Variants in RAVER1 observed in about 807,000 individuals in gnomAD.
The protein encoded by RAVER1 is ribonucleoprotein, PTB binding 1, also known as ribonucleoprotein PTB-binding 1.
In RAVER1, 36 loss-of-function variants were observed where a neutral mutation model predicts 68.4. The ratio of observed to expected loss-of-function variants is 0.53; its 90% CI spans 0.40 to 0.70. The LOEUF (loss-of-function observed/expected upper bound fraction) is 0.70, where lower values mean the gene tolerates loss of function less well. Among genes scored for constraint, RAVER1 ranks in the 30% least tolerant of loss-of-function variants. The pLI is 0.00. For missense variants in RAVER1, 933 were observed against 1,019.8 expected (o/e 0.91, Z 1.16); for synonymous variants, 469 against 472.7 (o/e 0.99, Z 0.10).
At chr19:10,331,390 C>CA (rs1568314187) in intron 1 of RAVER1, among the ~76,000 whole-genome samples, 484 of 31,650 alleles carry the variant, frequency 0.015, 15 homozygotes, top group Middle Eastern at 0.033. Context: ...AAAATAACAA[C>CA]AACAAAAAAA....
In RAVER1 at chr19:10,322,248, A is replaced by ACG. The variant is rs2145071460; in HGVS notation, c.1173+396_1173+397insCG. ...TAGGTGTGCGTGTGTGTGTGTGCAC[A>ACG]CACTGAGGGGATAGACCTGGAGTTT... is the stretch of plus-strand genomic sequence containing the variant. On this transcript the variant is annotated intron_variant, in intron 6 of 12. Coordinates refer to ENST00000617231, the MANE Select transcript of RAVER1 (RefSeq NM_133452.3). The surrounding 1 kb of genome is among the most constrained non-coding windows in gnomAD (Gnocchi z 4.3). 2 of 225,384 alleles carry ACG rather than the reference A, an allele frequency of 8.9e-6. No individual in the cohort carries two copies. The highest frequency in any genetic ancestry group is 6.1e-5 in the Admixed American group (1 of 16,294). 14.0% of individuals were successfully genotyped at this position (225,384 alleles called of 1,614,324 possible). A position where few individuals can be genotyped will look rare whatever the true frequency, so the allele number is the denominator to read the frequency against.
In RAVER1 at chr19:10,320,712, G is replaced by A. The variant is rs749871806; in HGVS notation, c.1713C>T (p.Ser571=). ...LKSRLLSPLS[S]ARLPPEPGLS... ...GTCCTGGTTCGGGGGGCAGGCGGGC[G>A]CTGCTGAGGGGGCTGAGCAGGCGGG... Residue 571 remains serine, a synonymous_variant, in exon 9 of 13, where the codon AGC becomes AGT. Transcript: ENST00000617231. 9.7e-6 allele frequency: 15 copies of A among 1,542,340 alleles called. No homozygotes were observed. The highest frequency in any genetic ancestry group is 7.4e-5 in the East Asian group (3 of 40,352).
rs1273341364 is a variant in RAVER1, at chr19:10,333,350, C to A, written c.158G>T (p.Arg53Leu). ...TATCTTGCGGCGGTTACGGAACTGG[C>A]GCTCGGTGTGTTCCAGGCGTTTCCG... is the stretch of plus-strand genomic sequence containing the variant. ...EIRKRLEHTE[R>L]QFRNRRKILI... The change falls in exon 1 of 13, where the codon CGC becomes CTC. Residue 53 changes from arginine to leucine, a missense_variant. Around this residue, in one of 3 missense-constraint regions of RAVER1, gnomAD observed 211 missense variants for 230.0 expected, o/e 0.92. Coordinates refer to ENST00000617231, the MANE Select transcript of RAVER1 (RefSeq NM_133452.3). This position sits in a 1 kb window ranked among gnomAD's most constrained non-coding sequence, Gnocchi z 4.2. The A allele has an allele frequency of 6.2e-7, 1 of 1,613,892 alleles. No homozygotes were observed. Among genetic ancestry groups the A allele is most frequent in the Non-Finnish European group, 8.5e-7 (1 of 1,179,808 alleles).
chr19:10,321,784 T>G, intron 6 of RAVER1, 166 bp from the exon 7 acceptor site: 1 of 436,476 alleles, frequency 2.3e-6, no homozygotes. Context: ...ACTCTATCAC[T>G]GTCCCATCAG....
rs1474641582 is a variant in RAVER1 at position 10,322,560 on chromosome 19, C to T, written c.1173+85G>A. 2.0e-6 allele frequency: 2 copies of T among 1,019,304 alleles called. No individual in the cohort carries two copies. Among genetic ancestry groups the T allele is most frequent in the Non-Finnish European group, 2.8e-6 (2 of 712,724 alleles). 63.1% of individuals were successfully genotyped at this position (1,019,304 alleles called of 1,614,324 possible). A position where few individuals can be genotyped will look rare whatever the true frequency, so the allele number is the denominator to read the frequency against. Reference sequence around the variant, plus strand: ...CGCCCCCAGGGCACAGCCAGAGGTCCCCCCACCCCACCGATCGCACCAGCT... The same window carrying T: ...CGCCCCCAGGGCACAGCCAGAGGTCTCCCCACCCCACCGATCGCACCAGCT... On this transcript the variant is annotated intron_variant, in intron 6 of 12. Transcript: ENST00000617231. The surrounding 1 kb of genome is among the most constrained non-coding windows in gnomAD (Gnocchi z 4.3).
intron 3 of RAVER1, among the ~76,000 whole-genome samples, chr19:10,324,184 C>T (rs1451606659): frequency 6.6e-6 from 1 of 150,752 alleles, no homozygotes; most frequent in African/African-American, 2.4e-5. Flanking sequence ...AGATAATCAG[C>T]AACGGGTGGG....
At position 10,317,624 on chromosome 19, in the gene RAVER1, G is replaced by A. The variant is rs772967916; in HGVS notation, c.2074-24C>T. 7 of 1,578,598 alleles carry A rather than the reference G, an allele frequency of 4.4e-6. No homozygotes were observed. The Admixed American group carries it at 9.0e-5, about 20-fold the overall frequency. ...GTCTGGAGACAGAGGGCAGGGCGGGGCGGGTCAGGGGCCGCTGGGGGGCCG... is the reference window on the plus strand; with the variant it reads ...GTCTGGAGACAGAGGGCAGGGCGGGACGGGTCAGGGGCCGCTGGGGGGCCG... On this transcript the variant is annotated intron_variant, in intron 12 of 12. Coordinates refer to ENST00000617231, the MANE Select transcript of RAVER1 (RefSeq NM_133452.3). The surrounding 1 kb of genome is among the most constrained non-coding windows in gnomAD (Gnocchi z 4.3).
chr19:10,319,377 G>T, intron 9 of RAVER1, 137 bp from the exon 10 acceptor site: 1 of 804,544 alleles, frequency 1.2e-6, no homozygotes, highest in Non-Finnish European at 2.0e-6. Flanking sequence ...TTTGGGGCTG[G>T]ATGCAGCTTG....
At chr19:10,326,247 T>G (rs1249551392) in intron 3 of RAVER1, among the ~76,000 whole-genome samples, 1 of 152,082 alleles carries the variant, frequency 6.6e-6, no homozygotes, top group Non-Finnish European at 1.5e-5. Context: ...AGAGCAAGAC[T>G]CTGTCTTAAA....
Position 10,316,612 on chromosome 19 carries a change from G to C in RAVER1, c.*842C>G. On this transcript the variant is annotated 3_prime_UTR_variant, in exon 13 of 13. Transcript: ENST00000617231. ...TGGCAGAGAAAGCCCATCTCTGCAC[G>C]GAGGCCCGGGTAGGAGGGGGTGGTG... 9.2e-6 allele frequency: 9 copies of C among 983,000 alleles called. No homozygotes were observed. The highest frequency in any genetic ancestry group is 9.7e-6 in the Non-Finnish European group (8 of 827,068). 60.9% of individuals were successfully genotyped at this position (983,000 alleles called of 1,614,324 possible).
chr19:10,320,957 G>C lies in RAVER1; in HGVS notation c.1474-6C>G. 6.7e-7 allele frequency: 1 copy of C among 1,491,676 alleles called. No individual in the cohort carries two copies. The highest frequency in any genetic ancestry group is 8.9e-7 in the Non-Finnish European group (1 of 1,128,240). 92.4% of individuals were successfully genotyped at this position (1,491,676 alleles called of 1,614,324 possible). On this transcript the variant is annotated splice_polypyrimidine_tract_variant and splice_region_variant and intron_variant, in intron 8 of 12. Coordinates refer to ENST00000617231, the MANE Select transcript of RAVER1 (RefSeq NM_133452.3). ...GGCTCCCCCAGCAGTGAGACCTGTG[G>C]CGGGAAGGCAGGATTCGAGAGGGCC...
At position 10,316,271 on chromosome 19, in the gene RAVER1, G is replaced by A; in HGVS notation, c.*1183C>T. On this transcript the variant is annotated 3_prime_UTR_variant, in exon 13 of 13. Coordinates refer to ENST00000617231, the MANE Select transcript of RAVER1 (RefSeq NM_133452.3). ...CAGCAAAGGTCCGTGTGGGGAGACT[G>A]GGGTGGGGTCGGGGGAATAGTCCCC... The A allele has an allele frequency of 1.5e-6, 2 of 1,290,946 alleles. No homozygotes were observed. The highest frequency in any genetic ancestry group is 2.0e-6 in the Non-Finnish European group (2 of 1,020,488). 80.0% of individuals were successfully genotyped at this position (1,290,946 alleles called of 1,614,324 possible).
Position 10,317,670 on chromosome 19 carries a change from TC to T in RAVER1, c.2073+19del. On this transcript the variant is annotated intron_variant, in intron 12 of 12. Transcript: ENST00000617231. The surrounding 1 kb of genome is among the most constrained non-coding windows in gnomAD (Gnocchi z 4.3). ...GGCCGGGGCTTCCCAGCCCTGCATGTCCCCACCCCCTGCCCGTACCTTCAGC... is the reference window on the plus strand; with the variant it reads ...GGCCGGGGCTTCCCAGCCCTGCATGTCCCACCCCCTGCCCGTACCTTCAGC... 6.4e-7 allele frequency: 1 copy of T among 1,552,956 alleles called. No individual in the cohort carries two copies. The highest frequency in any genetic ancestry group is 8.7e-7 in the Non-Finnish European group (1 of 1,144,226).
At chr19:10,330,384 GCAGA>G (rs1188609732) in intron 2 of RAVER1, 72 bp downstream of exon 2, 6 of 737,540 alleles carry the variant, frequency 8.1e-6, no homozygotes, top group Middle Eastern at 3.6e-4. Flanking sequence ...GCTCAGAGCA[GCAGA>G]CAGTGAGCCA....
chr19:10,330,872 T>C (rs929687453), intron 1 of RAVER1, among the ~76,000 whole-genome samples: 4 of 151,430 alleles, frequency 2.6e-5, no homozygotes, highest in African/African-American at 9.7e-5. Flanking sequence ...GAGACCAGCC[T>C]GGCCAACATG....
chr19:10,323,707 T>C lies in RAVER1; in HGVS notation c.757-141A>G. ...CCTCCACTGCCCTGTGCCTCATTCC[T>C]GCATCAGCTCATCTGATTTTCCCAA... On this transcript the variant is annotated intron_variant, in intron 3 of 12. Coordinates refer to ENST00000617231, the MANE Select transcript of RAVER1 (RefSeq NM_133452.3). The surrounding 1 kb of genome is among the most constrained non-coding windows in gnomAD (Gnocchi z 6.2). The C allele has an allele frequency of 2.4e-6, 2 of 828,932 alleles. No homozygotes were observed. Among genetic ancestry groups the C allele is most frequent in the Non-Finnish European group, 3.7e-6 (2 of 547,094 alleles). 51.3% of individuals were successfully genotyped at this position (828,932 alleles called of 1,614,324 possible).
Position 10,328,310 on chromosome 19 carries a change from T to C in RAVER1, c.756+332A>G, listed in dbSNP as rs2040489215. Among the ~76,000 whole-genome samples the C allele has an allele frequency of 6.6e-6, 1 of 152,116 alleles. No individual in the cohort carries two copies. Among genetic ancestry groups the C allele is most frequent in the African/African-American group, 2.4e-5 (1 of 41,432 alleles). ...CAGGTGTGGTGGCTCACGCATGTAA[T>C]CCCAGCACTTTGGGAGGATCACCTG... is the stretch of plus-strand genomic sequence containing the variant. On this transcript the variant is annotated intron_variant, in intron 3 of 12. Coordinates refer to ENST00000617231, the MANE Select transcript of RAVER1 (RefSeq NM_133452.3). The surrounding 1 kb of genome is among the most constrained non-coding windows in gnomAD (Gnocchi z 4.4).
At chr19:10,319,718 G>C (rs2040419838) in intron 9 of RAVER1, among the ~76,000 whole-genome samples, 1 of 151,206 alleles carries the variant, frequency 6.6e-6, no homozygotes, top group Non-Finnish European at 1.5e-5. Flanking sequence ...TAGTAACTGG[G>C]ATTACAGGCA....
rs1365144051 is a variant in RAVER1 at position 10,333,356 on chromosome 19, G to C, written c.152C>G (p.Thr51Ser). ...PEEIRKRLEH[T>S]ERQFRNRRKI... ...GCGGCGGTTACGGAACTGGCGCTCG[G>C]TGTGTTCCAGGCGTTTCCGGATCTC... The change falls in exon 1 of 13, where the codon ACC (threonine) becomes AGC (serine). Residue 51 changes from threonine to serine, a missense_variant. Thr to Ser is a moderately conservative substitution (Grantham distance 58). Around this residue, in one of 3 missense-constraint regions of RAVER1, gnomAD observed 211 missense variants for 230.0 expected, o/e 0.92. Coordinates refer to ENST00000617231, the MANE Select transcript of RAVER1 (RefSeq NM_133452.3). This position sits in a 1 kb window ranked among gnomAD's most constrained non-coding sequence, Gnocchi z 4.2. 6.2e-7 allele frequency: 1 copy of C among 1,613,776 alleles called. No individual in the cohort carries two copies. The highest frequency in any genetic ancestry group is 8.5e-7 in the Non-Finnish European group (1 of 1,179,798).
Sources: gnomAD v4.1 joint callset for allele counts (sites outside exome capture counted in the v4.1 genomes callset) on GRCh38, gnomAD v4.1.1 for gene constraint, gnomAD v4.1.1 regional missense constraint, Gnocchi (gnomAD v3.1) non-coding constraint, MANE v1.5 for transcripts, NCBI Gene and HGNC (gene_info 2026-07-23, HGNC 2026-07-21) for gene names.